ARHGAP44: variants seen among roughly 807,000 people sequenced by gnomAD.
ARHGAP44 encodes the protein rho GTPase-activating protein 44.
ARHGAP44 carries 43 observed loss-of-function variants against 106.8 expected under a neutral mutation model. That is an observed-to-expected ratio of 0.40 (90% confidence interval 0.32 to 0.52). ARHGAP44 has a LOEUF of 0.52. Ranked by LOEUF, ARHGAP44 falls within the 20% of genes least tolerant of loss-of-function variation. The probability of loss-of-function intolerance (pLI) is 0.48; values close to 1 mark genes in which losing one functional copy is unlikely to be tolerated. For synonymous variants in ARHGAP44, 439 were observed against 410.3 expected, an observed-to-expected ratio of 1.07 and a Z score of -0.85; for missense variants, 866 against 1,050.5, an observed-to-expected ratio of 0.82 and a Z score of 2.43.
chr17:12,840,185 A>T (rs1490427782), intron 1 of ARHGAP44, among the ~76,000 whole-genome samples: 1 of 152,030 alleles, frequency 6.6e-6, no homozygotes, highest in Admixed American at 6.6e-5. Flanking sequence ...TTAATTCTAG[A>T]TCCCCATTAT....
intron 1 of ARHGAP44, among the ~76,000 whole-genome samples, chr17:12,826,465 C>T: frequency 6.6e-6 from 1 of 152,208 alleles, no homozygotes; most frequent in Non-Finnish European, 1.5e-5. Flanking sequence ...TTCTTGGATG[C>T]AGTAGCCAGA....
intron 4 of ARHGAP44, among the ~76,000 whole-genome samples, chr17:12,910,385 C>A (rs530007002): frequency 4.8e-4 from 68 of 141,610 alleles, no homozygotes; most frequent in African/African-American, 1.6e-3. Flanking sequence ...ATGTGTAGTA[C>A]ATACACATGG....
intron 14 of ARHGAP44, among the ~76,000 whole-genome samples, chr17:12,956,415 T>C (rs911236031): frequency 3.9e-5 from 6 of 152,142 alleles, no homozygotes; most frequent in African/African-American, 9.7e-5. Context: ...ACACCTCACG[T>C]TGAAAGTGGC....
intron 20 of ARHGAP44, 145 bp from the exon 21 acceptor site, chr17:12,989,887 C>A: frequency 8.2e-7 from 1 of 1,226,690 alleles, no homozygotes; most frequent in South Asian, 1.4e-5. Context: ...GACTGTGCAA[C>A]ACAATGCTTA....
chr17:12,878,692 G>A (rs1455733594), intron 1 of ARHGAP44, among the ~76,000 whole-genome samples: 1 of 152,170 alleles, frequency 6.6e-6, no homozygotes, highest in Non-Finnish European at 1.5e-5. Context: ...CTCTGCTGAA[G>A]TGCTTCAGGA....
At chr17:12,964,677 G>A (rs1314271818) in intron 16 of ARHGAP44, among the ~76,000 whole-genome samples, 5 of 152,078 alleles carry the variant, frequency 3.3e-5, no homozygotes, top group African/African-American at 1.2e-4. Context: ...CCAGTTACTC[G>A]GGAGGCTGAG....
At chr17:12,931,487 T>C (rs1285048289) in intron 7 of ARHGAP44, among the ~76,000 whole-genome samples, 1 of 151,956 alleles carries the variant, frequency 6.6e-6, no homozygotes, top group African/African-American at 2.4e-5. Context: ...AGTTCTAACT[T>C]AGTCTTTTTT....
At chr17:12,915,237 C>T (rs1395869497) in intron 4 of ARHGAP44, among the ~76,000 whole-genome samples, 2 of 152,128 alleles carry the variant, frequency 1.3e-5, no homozygotes, top group East Asian at 1.9e-4. Flanking sequence ...CGGGGTTTCA[C>T]CATGTTGCCC....
intron 10 of ARHGAP44, among the ~76,000 whole-genome samples, chr17:12,946,173 C>T (rs2038846670): frequency 6.6e-6 from 1 of 152,124 alleles, no homozygotes; most frequent in Non-Finnish European, 1.5e-5. Flanking sequence ...AAACCATAAA[C>T]ACATAAAGAT....
chr17:12,987,261 C>A, intron 20 of ARHGAP44: 1 of 950,576 alleles, frequency 1.1e-6, no homozygotes. Context: ...ATTTGCATGG[C>A]AGCTTCACTC....
intron 6 of ARHGAP44, among the ~76,000 whole-genome samples, chr17:12,925,975 T>C (rs947920834): frequency 6.6e-6 from 1 of 152,214 alleles, no homozygotes; most frequent in African/African-American, 2.4e-5. Context: ...TGTACAAAAC[T>C]CGTCTGTTCA....
chr17:12,802,927 T>TTATATATATATATATATATATA (rs1159214788), intron 1 of ARHGAP44, among the ~76,000 whole-genome samples: 1 of 29,236 alleles, frequency 3.4e-5, no homozygotes, highest in Non-Finnish European at 6.0e-5. Flanking sequence ...CCTGGCTAAT[T>TTATATATATATATATATATATA]TATATATATA....
At chr17:12,913,290 A>G (rs1400561990) in intron 4 of ARHGAP44, among the ~76,000 whole-genome samples, 1 of 152,140 alleles carries the variant, frequency 6.6e-6, no homozygotes, top group Non-Finnish European at 1.5e-5. Context: ...TTAACAGACA[A>G]ACTAGGAAAG....
chr17:12,801,661 C>T (rs574179133), intron 1 of ARHGAP44, among the ~76,000 whole-genome samples: 3 of 151,930 alleles, frequency 2.0e-5, no homozygotes, highest in African/African-American at 4.8e-5. Flanking sequence ...GTCTAAGGGC[C>T]GAGAGACATG....
At chr17:12,821,949 C>T (rs2034783939) in intron 1 of ARHGAP44, among the ~76,000 whole-genome samples, 1 of 152,142 alleles carries the variant, frequency 6.6e-6, no homozygotes, top group Admixed American at 6.5e-5. Context: ...CACTACTTTA[C>T]CAACTTACAT....
chr17:12,801,787 AAAT>A (rs2034100330), intron 1 of ARHGAP44, among the ~76,000 whole-genome samples: 1 of 152,174 alleles, frequency 6.6e-6, no homozygotes, highest in Admixed American at 6.5e-5. Flanking sequence ...ATTAAGCATA[AAAT>A]GTTATCTCTG....
intron 1 of ARHGAP44, among the ~76,000 whole-genome samples, chr17:12,864,031 A>G (rs1238672015): frequency 6.6e-6 from 1 of 152,210 alleles, no homozygotes; most frequent in Non-Finnish European, 1.5e-5. Context: ...GTGGGGTTCC[A>G]GGACTGAGCA....
At position 12,851,252 on chromosome 17, in the gene ARHGAP44, G is replaced by A. The variant is rs367651110; in HGVS notation, c.54-43688G>A. On this transcript the variant is annotated intron_variant, in intron 1 of 20. Coordinates refer to ENST00000379672, the MANE Select transcript of ARHGAP44 (RefSeq NM_014859.6). The stretch of plus-strand genomic sequence containing the variant: ...CGTGCAGTTGGCCCAGTCTCTGTCC[G>A]TTGGAATTAGCTTGAGTTGGTTATA... Among the ~76,000 whole-genome samples the A allele has an allele frequency of 4.6e-5, 7 of 152,270 alleles. No individual in the cohort carries two copies. In the South Asian group the frequency reaches 1.2e-3, roughly 27 times the overall value.
intron 1 of ARHGAP44, among the ~76,000 whole-genome samples, chr17:12,867,805 AG>A (rs1567657954): frequency 6.6e-6 from 1 of 152,234 alleles, no homozygotes; most frequent in African/African-American, 2.4e-5. Flanking sequence ...CTATTCGACC[AG>A]GTTTATGCCA....
Sources: gnomAD v4.1 joint callset for allele counts (sites outside exome capture counted in the v4.1 genomes callset) on GRCh38, gnomAD v4.1.1 for gene constraint, MANE v1.5 for transcripts, NCBI Gene and HGNC (gene_info 2026-07-23, HGNC 2026-07-21) for gene names.